CDCA7L: variants seen among roughly 807,000 people sequenced by gnomAD.
CDCA7L encodes the protein cell division cycle-associated 7-like protein.
Under a neutral mutation model 57.4 loss-of-function variants are expected in CDCA7L, and 44 were observed. That is an observed-to-expected ratio of 0.77 (90% CI 0.60 to 0.98). The LOEUF (loss-of-function observed/expected upper bound fraction) is 0.98, where lower values mean the gene tolerates loss of function less well. Among genes scored for constraint, CDCA7L ranks in the 50% least tolerant of loss-of-function variants. CDCA7L has a pLI of 0.00. For missense variants in CDCA7L, 644 were observed against 580.6 expected (o/e 1.11, Z -1.12); for synonymous variants, 236 against 202.8 (o/e 1.16, Z -1.39).
chr7:21,917,279 A>G (rs995291215), intron 1 of CDCA7L, among the ~76,000 whole-genome samples: 4 of 152,210 alleles, frequency 2.6e-5, no homozygotes, highest in African/African-American at 9.7e-5. Context: ...AAATATCATT[A>G]AGCACTTTTC....
chr7:21,935,215 T>C (rs1464887060), intron 1 of CDCA7L, among the ~76,000 whole-genome samples: 1 of 152,096 alleles, frequency 6.6e-6, no homozygotes, highest in Admixed American at 6.5e-5. Flanking sequence ...AGAGTGAAAC[T>C]AGAAATCAGT....
chr7:21,911,257 T>G (rs1036554523), intron 3 of CDCA7L, among the ~76,000 whole-genome samples: 2 of 151,902 alleles, frequency 1.3e-5, no homozygotes, highest in African/African-American at 4.8e-5. Context: ...CTTGAACTCC[T>G]GACCTCAGGT....
intron 1 of CDCA7L, among the ~76,000 whole-genome samples, chr7:21,941,189 ATATT>A (rs769239150): frequency 2.0e-5 from 3 of 152,328 alleles, no homozygotes; most frequent in Admixed American, 6.5e-5. Context: ...CCACCCTGAG[ATATT>A]TATTTCCTCT....
At chr7:21,940,203 G>T in intron 1 of CDCA7L, 1 of 359,346 alleles carries the variant, frequency 2.8e-6, no homozygotes, top group African/African-American at 2.2e-5. Flanking sequence ...ACTGGCCAAA[G>T]CAAGTCAAAT....
chr7:21,924,576 C>T (rs575163988), intron 1 of CDCA7L, among the ~76,000 whole-genome samples: 2 of 152,274 alleles, frequency 1.3e-5, no homozygotes, highest in Non-Finnish European at 2.9e-5. Context: ...AAGAAAAGTA[C>T]ATACCATGCA....
At position 21,901,907 on chromosome 7, in the gene CDCA7L, A is replaced by G. The variant is rs1224786291; in HGVS notation, c.*415T>C. The G allele has an allele frequency of 1.4e-5, 3 of 215,666 alleles. No individual in the cohort carries two copies. The highest frequency in any genetic ancestry group is 2.3e-5 in the African/African-American group (1 of 43,714). 13.4% of individuals were successfully genotyped at this position (215,666 alleles called of 1,614,324 possible). ...TTAAACGATGTGTGTGGTCTATTAAACTGTGGTCACTCGTGCTAAGGCACA... is the reference window on the plus strand; with the variant it reads ...TTAAACGATGTGTGTGGTCTATTAAGCTGTGGTCACTCGTGCTAAGGCACA... On this transcript the variant is annotated 3_prime_UTR_variant, in exon 10 of 10. Transcript: ENST00000406877.
At chr7:21,934,226 C>G (rs1449113428) in intron 1 of CDCA7L, among the ~76,000 whole-genome samples, 1 of 152,166 alleles carries the variant, frequency 6.6e-6, no homozygotes, top group Non-Finnish European at 1.5e-5. Flanking sequence ...ACTTACGAAT[C>G]TGTTCATGGA....
intron 1 of CDCA7L, among the ~76,000 whole-genome samples, chr7:21,937,454 G>A (rs537055497): frequency 1.3e-5 from 2 of 152,130 alleles, no homozygotes; most frequent in Admixed American, 6.6e-5. Flanking sequence ...GGGCAACATG[G>A]TGAAACCCCA....
intron 1 of CDCA7L, among the ~76,000 whole-genome samples, chr7:21,929,631 CAAAAAAAAAA>C (rs57283961): frequency 2.8e-5 from 1 of 35,506 alleles, no homozygotes; most frequent in Non-Finnish European, 4.5e-5. Context: ...AAATGGAAAG[CAAAAAAAAAA>C]AAAAAAAAAA....
intron 1 of CDCA7L, among the ~76,000 whole-genome samples, chr7:21,921,880 G>C (rs540039024): frequency 3.3e-5 from 5 of 152,108 alleles, no homozygotes; most frequent in African/African-American, 1.2e-4. Flanking sequence ...TACAGTTTCT[G>C]TTTGTCTACT....
intron 2 of CDCA7L, among the ~76,000 whole-genome samples, 187 bp downstream of exon 2, chr7:21,916,567 A>G (rs191791498): frequency 6.6e-6 from 1 of 151,956 alleles, no homozygotes; most frequent in African/African-American, 2.4e-5. Context: ...GGATTAACAC[A>G]GCAAAGTGAA....
intron 1 of CDCA7L, among the ~76,000 whole-genome samples, chr7:21,930,608 G>C (rs763652602): frequency 2.2e-4 from 30 of 137,382 alleles, no homozygotes; most frequent in Non-Finnish European, 1.1e-4. Context: ...GAGGCAAAAA[G>C]AATCGCTTGA....
At chr7:21,903,302 A>C (rs1158203501) in intron 8 of CDCA7L, among the ~76,000 whole-genome samples, 188 bp from the exon 9 acceptor site, 1 of 152,108 alleles carries the variant, frequency 6.6e-6, no homozygotes, top group Non-Finnish European at 1.5e-5. Context: ...ACATGCAAAC[A>C]CTGAAAAATG....
At chr7:21,916,298 G>A (rs10238697) in intron 2 of CDCA7L, among the ~76,000 whole-genome samples, 5,761 of 152,044 alleles carry the variant, frequency 0.038, 161 homozygotes, top group African/African-American at 0.081. Flanking sequence ...AGTAATTAAC[G>A]CAAGAATAAG....
At chr7:21,904,674 T>TC (rs1785080879) in intron 7 of CDCA7L, among the ~76,000 whole-genome samples, 1 of 152,150 alleles carries the variant, frequency 6.6e-6, no homozygotes, top group South Asian at 2.1e-4. Flanking sequence ...CCTGAAACCA[T>TC]CCCCTTCCTG....
rs1784848113 is a variant in CDCA7L at position 21,901,495 on chromosome 7, G to GGAGGCAAAGGTTGCAGT, written c.*810_*826dup. 7.7e-6 allele frequency: 3 copies of GGAGGCAAAGGTTGCAGT among 389,504 alleles called. No individual in the cohort carries two copies. 24.1% of individuals were successfully genotyped at this position (389,504 alleles called of 1,614,324 possible). ...GAGGTAGGAGAATCACTTGAACCTA[G>GGAGGCAAAGGTTGCAGT]GAGGCAAAGGTTGCAGTGAGCCGAG... is the stretch of plus-strand genomic sequence containing the variant. On this transcript the variant is annotated 3_prime_UTR_variant, in exon 10 of 10. Transcript: ENST00000406877.
intron 6 of CDCA7L, 88 bp from the exon 7 acceptor site, chr7:21,905,719 C>T: frequency 2.9e-6 from 4 of 1,387,866 alleles, no homozygotes; most frequent in Non-Finnish European, 3.8e-6. Context: ...AGATCTAGCA[C>T]CATTAATGTT....
chr7:21,945,232 A>G (rs552895234), intron 1 of CDCA7L, among the ~76,000 whole-genome samples: 170 of 152,298 alleles, frequency 1.1e-3, no homozygotes, highest in Non-Finnish European at 1.7e-3. Context: ...ACTCGGCCCA[A>G]TGACGTTACC....
At chr7:21,939,569 G>A (rs1320324446) in intron 1 of CDCA7L, among the ~76,000 whole-genome samples, 2 of 152,186 alleles carry the variant, frequency 1.3e-5, no homozygotes, top group Non-Finnish European at 2.9e-5. Context: ...TCAGCAGATA[G>A]AACATGTGAA....
Sources: allele counts gnomAD v4.1 joint callset (sites outside exome capture counted in the v4.1 genomes callset), GRCh38; gene constraint gnomAD v4.1.1; transcripts MANE v1.5; gene names NCBI Gene and HGNC (gene_info 2026-07-23, HGNC 2026-07-21).